Variants in LRRC49 observed in about 807,000 individuals in gnomAD.
The protein encoded by LRRC49 is leucine rich repeat containing 49.
A neutral mutation model predicts 83.3 loss-of-function variants in LRRC49; 50 were observed. The ratio of observed to expected loss-of-function variants is 0.60; its 90% CI spans 0.48 to 0.76. LRRC49 has a LOEUF of 0.76. Among genes scored for constraint, LRRC49 ranks in the 30% least tolerant of loss-of-function variants. The pLI, the probability that LRRC49 is intolerant of heterozygous loss-of-function variation, is 0.00. For missense variants in LRRC49, 704 were observed against 809.1 expected (o/e 0.87, Z 1.58); for synonymous variants, 286 against 283.3 (o/e 1.01, Z -0.10).
intron 15 of LRRC49, among the ~76,000 whole-genome samples, chr15:71,039,654 G>A (rs58744451): frequency 0.014 from 2,086 of 152,256 alleles, 56 homozygotes; most frequent in African/African-American, 0.048. Context: ...AGAAAAGTCT[G>A]TACAGATGTG....
intron 8 of LRRC49, among the ~76,000 whole-genome samples, chr15:70,962,319 CACAGATGG>C (rs1438362366): frequency 2.0e-5 from 3 of 152,030 alleles, no homozygotes; most frequent in Non-Finnish European, 4.4e-5. Flanking sequence ...ACACAGATGG[CACAGATGG>C]ACAGATGGTT....
intron 14 of LRRC49, among the ~76,000 whole-genome samples, chr15:71,018,174 T>A (rs1166723051): frequency 3.3e-5 from 5 of 152,122 alleles, no homozygotes; most frequent in African/African-American, 1.2e-4. Flanking sequence ...CAATGTTATT[T>A]AAAAACAACA....
At chr15:70,994,484 T>A (rs2038010840) in intron 11 of LRRC49, among the ~76,000 whole-genome samples, 1 of 152,022 alleles carries the variant, frequency 6.6e-6, no homozygotes, top group African/African-American at 2.4e-5. Flanking sequence ...ATTTATTTAT[T>A]TATTTATTGA....
intron 5 of LRRC49, among the ~76,000 whole-genome samples, chr15:70,909,839 A>AACACAC (rs146189261): frequency 0.069 from 9,437 of 136,042 alleles, 396 homozygotes; most frequent in South Asian, 0.11. Context: ...CTCCATCTCA[A>AACACAC]ACACACACAC....
chr15:71,015,549 G>T (rs1023286830), intron 14 of LRRC49, among the ~76,000 whole-genome samples: 7 of 152,112 alleles, frequency 4.6e-5, no homozygotes, highest in African/African-American at 1.7e-4. Context: ...ATGTGGCCCG[G>T]TTCCTAACAG....
At chr15:70,922,444 T>C (rs2035043179) in intron 7 of LRRC49, among the ~76,000 whole-genome samples, 1 of 152,126 alleles carries the variant, frequency 6.6e-6, no homozygotes, top group African/African-American at 2.4e-5. Flanking sequence ...ATATCGCATG[T>C]TCTCACTTAT....
chr15:70,968,789 A>C (rs191653118), intron 9 of LRRC49, among the ~76,000 whole-genome samples: 161 of 152,304 alleles, frequency 1.1e-3, no homozygotes, highest in African/African-American at 3.7e-3. Flanking sequence ...TCTTTTGAGA[A>C]GTGTCTGTTC....
intron 5 of LRRC49, among the ~76,000 whole-genome samples, chr15:70,909,578 T>A (rs576144888): frequency 6.6e-6 from 1 of 152,240 alleles, no homozygotes; most frequent in African/African-American, 2.4e-5. Flanking sequence ...CGGTGGCTCA[T>A]GCCTGGAATC....
chr15:70,874,364 G>C (rs2033110371), intron 2 of LRRC49, among the ~76,000 whole-genome samples: 1 of 152,160 alleles, frequency 6.6e-6, no homozygotes. Flanking sequence ...GATAGAATAG[G>C]CTAGTTATTT....
Position 70,865,863 on chromosome 15 carries a change from T to A in LRRC49, c.-298-7045T>A, listed in dbSNP as rs186139763. ...GCAAGGAGGTATGGACTTGGATATT[T>A]GCTTGAATGGTTGCAAGGCATAGAG... On this transcript the variant is annotated intron_variant, in intron 1 of 16. Transcript: ENST00000544974. Among the ~76,000 whole-genome samples the A allele has an allele frequency of 1.4e-4, 21 of 152,330 alleles. No individual in the cohort carries two copies. The East Asian group carries it at 4.1e-3, about 29-fold the overall frequency.
chr15:71,001,799 C>T (rs1435947310), intron 11 of LRRC49, among the ~76,000 whole-genome samples: 3 of 152,106 alleles, frequency 2.0e-5, no homozygotes, highest in Non-Finnish European at 2.9e-5. Context: ...TCACACCATT[C>T]TCCTGCCTCA....
intron 9 of LRRC49, among the ~76,000 whole-genome samples, chr15:70,974,013 G>T (rs2037111060): frequency 6.6e-6 from 1 of 152,074 alleles, no homozygotes; most frequent in South Asian, 2.1e-4. Flanking sequence ...TGTAATCCCA[G>T]CTACTCGGGA....
In LRRC49 at chr15:70,980,124, T is replaced by A. The variant is rs1392903623; in HGVS notation, c.945T>A (p.Ser315=). 7.4e-6 allele frequency: 12 copies of A among 1,611,286 alleles called. No individual in the cohort carries two copies. Among genetic ancestry groups the A allele is most frequent in the Middle Eastern group, 1.7e-4 (1 of 6,054 alleles). The change falls in exon 10 of 16, where the codon TCT becomes TCA. Residue 315 remains serine (S), a synonymous_variant. Transcript: ENST00000260382. ...AGGAAGAAGAAAGGCGTATGGCATCTGTTTTAGCCAAAAAAGAGGAAGAGA... is the reference window on the plus strand; with the variant it reads ...AGGAAGAAGAAAGGCGTATGGCATCAGTTTTAGCCAAAAAAGAGGAAGAGA... ...RITEEERRMA[S]VLAKKEEEKK...
chr15:70,969,279 G>T (rs1180809565), intron 9 of LRRC49, among the ~76,000 whole-genome samples: 1 of 152,182 alleles, frequency 6.6e-6, no homozygotes, highest in Admixed American at 6.5e-5. Flanking sequence ...GTTTGTCAAA[G>T]ATCAGATGGT....
intron 1 of LRRC49, among the ~76,000 whole-genome samples, chr15:70,862,320 T>C (rs1401974297): frequency 6.6e-6 from 1 of 152,148 alleles, no homozygotes; most frequent in Non-Finnish European, 1.5e-5. Flanking sequence ...GGCTCACGCC[T>C]GTAATCCCAG....
chr15:70,860,598 A>T (rs2032766501), intron 1 of LRRC49, among the ~76,000 whole-genome samples: 1 of 152,090 alleles, frequency 6.6e-6, no homozygotes, highest in Non-Finnish European at 1.5e-5. Context: ...TTTTGTAGAG[A>T]TAGGGTCTTT....
chr15:70,892,395 G>C, upstream of LRRC49: 2 of 1,543,174 alleles, frequency 1.3e-6, no homozygotes, highest in African/African-American at 2.7e-5. Flanking sequence ...GGTCGGGATT[G>C]TTTCCTTCCC....
chr15:70,867,049 C>T (rs889868083), intron 1 of LRRC49, among the ~76,000 whole-genome samples: 11 of 114,554 alleles, frequency 9.6e-5, no homozygotes, highest in African/African-American at 2.6e-4. Flanking sequence ...CTGATCGGAA[C>T]GGAATCCTGA....
At chr15:71,007,709 G>GTGTGTATATA (rs964626080) in intron 11 of LRRC49, among the ~76,000 whole-genome samples, 2 of 137,706 alleles carry the variant, frequency 1.5e-5, no homozygotes, top group African/African-American at 5.5e-5. Context: ...TGAGAAGCAT[G>GTGTGTATATA]TATATATATA....
Sources: allele counts gnomAD v4.1 joint callset (sites outside exome capture counted in the v4.1 genomes callset), GRCh38; gene constraint gnomAD v4.1.1; transcripts MANE v1.5; gene names NCBI Gene and HGNC (gene_info 2026-07-23, HGNC 2026-07-21).